UGGT2: variants seen among roughly 807,000 people sequenced by gnomAD.
UGGT2 encodes UDP-glucose:glycoprotein glucosyltransferase 2.
In UGGT2, 180 loss-of-function variants were observed where a neutral mutation model predicts 192.1. The observed-to-expected ratio is 0.94, with a 90% CI of 0.83 to 1.06. The LOEUF (loss-of-function observed/expected upper bound fraction) is 1.06. Among genes scored for constraint, UGGT2 ranks in the 50% least tolerant of loss-of-function variants. The pLI is 0.00. For synonymous variants in UGGT2, 580 were observed against 591.0 expected (o/e 0.98, Z 0.27); for missense variants, 1,849 against 1,795.7 (o/e 1.03, Z -0.54).
chr13:95,844,896 G>C (rs1594128696), intron 36 of UGGT2, among the ~76,000 whole-genome samples: 1 of 152,110 alleles, frequency 6.6e-6, no homozygotes, highest in Admixed American at 6.6e-5. Context: ...TTCAGTCTTT[G>C]ATTATTAAGT....
At chr13:95,945,116 T>C (rs891532394) in intron 15 of UGGT2, among the ~76,000 whole-genome samples, 3 of 152,080 alleles carry the variant, frequency 2.0e-5, no homozygotes, top group African/African-American at 7.2e-5. Context: ...TTTAATTTCC[T>C]CACACTTAAT....
At chr13:96,012,439 T>A (rs547415771) in intron 5 of UGGT2, among the ~76,000 whole-genome samples, 26 of 151,750 alleles carry the variant, frequency 1.7e-4, no homozygotes, top group Non-Finnish European at 2.7e-4. Flanking sequence ...AAACAATTTT[T>A]AAAAAAAATC....
In UGGT2 at chr13:95,863,700, T is replaced by C. The variant is rs777144390; in HGVS notation, c.3573A>G (p.Thr1191=). ...KILKVKVKKE[T]DKIKEDILTD... is the part of the protein sequence containing the mutation. Reference sequence around the variant, plus strand: ...TAAGGATATCTTCCTTAATTTTGTCTGTTTCTTTTTTCACCTAGATAGCAT... The same window carrying C: ...TAAGGATATCTTCCTTAATTTTGTCCGTTTCTTTTTTCACCTAGATAGCAT... Residue 1191 remains threonine (T), a synonymous_variant, in exon 31 of 39, where the codon ACA becomes ACG. Coordinates refer to ENST00000376747, the MANE Select transcript of UGGT2 (RefSeq NM_020121.4). 6.2e-7 allele frequency: 1 copy of C among 1,612,642 alleles called. No homozygotes were observed. The highest frequency in any genetic ancestry group is 1.7e-5 in the Admixed American group (1 of 59,966).
chr13:95,943,830 G>A (rs1027914979), intron 15 of UGGT2, among the ~76,000 whole-genome samples: 2 of 151,808 alleles, frequency 1.3e-5, no homozygotes, highest in African/African-American at 4.8e-5. Flanking sequence ...TTGAAGTGTT[G>A]ACAGTGGGTA....
At chr13:95,908,161 C>T (rs2048353964) in intron 20 of UGGT2, among the ~76,000 whole-genome samples, 1 of 151,924 alleles carries the variant, frequency 6.6e-6, no homozygotes, top group Non-Finnish European at 1.5e-5. Flanking sequence ...GATTGAAGAT[C>T]AAATTAATGA....
chr13:95,862,288 A>T (rs1337151619), intron 31 of UGGT2, among the ~76,000 whole-genome samples: 3 of 152,208 alleles, frequency 2.0e-5, no homozygotes, highest in Non-Finnish European at 4.4e-5. Context: ...AAATATATTT[A>T]AGTTGTTGAA....
At chr13:95,914,298 C>T (rs1205432946) in intron 20 of UGGT2, among the ~76,000 whole-genome samples, 2 of 151,178 alleles carry the variant, frequency 1.3e-5, no homozygotes, top group East Asian at 3.9e-4. Flanking sequence ...TTAAAATATT[C>T]CTTACAACTA....
intron 5 of UGGT2, among the ~76,000 whole-genome samples, chr13:96,005,366 G>A (rs1195589132): frequency 6.6e-6 from 1 of 152,146 alleles, no homozygotes; most frequent in Non-Finnish European, 1.5e-5. Flanking sequence ...GCCCCTGGTA[G>A]CTCCAGACAT....
chr13:95,908,381 T>C (rs2048360261), intron 20 of UGGT2, among the ~76,000 whole-genome samples: 1 of 152,128 alleles, frequency 6.6e-6, no homozygotes. Flanking sequence ...AATGTTCAAA[T>C]TCAGGAAATA....
chr13:96,039,746 G>T (rs941889719), intron 1 of UGGT2, among the ~76,000 whole-genome samples: 6 of 152,186 alleles, frequency 3.9e-5, no homozygotes, highest in Non-Finnish European at 8.8e-5. Context: ...TCATATCCAA[G>T]TTCACCAGTT....
rs1167352531 is a variant in UGGT2 at position 95,939,946 on chromosome 13, T to C, written c.1812+11A>G. The C allele has an allele frequency of 6.3e-7, 1 of 1,589,992 alleles. No individual in the cohort carries two copies. Among genetic ancestry groups the C allele is most frequent in the Non-Finnish European group, 8.6e-7 (1 of 1,167,630 alleles). ...CTGGCCTACTCCACTTAACATAATGTCCCAACTTACCTTTCTTTCTTCATC... is the reference window on the plus strand; with the variant it reads ...CTGGCCTACTCCACTTAACATAATGCCCCAACTTACCTTTCTTTCTTCATC... On this transcript the variant is annotated intron_variant, in intron 16 of 38. Transcript: ENST00000376747.
At chr13:95,939,138 A>G (rs551661527) in intron 16 of UGGT2, among the ~76,000 whole-genome samples, 23 of 151,764 alleles carry the variant, frequency 1.5e-4, no homozygotes, top group African/African-American at 3.6e-4. Context: ...ACTGTACCCT[A>G]TAACACAGGA....
chr13:95,881,933 G>C (rs2047507230), intron 27 of UGGT2, among the ~76,000 whole-genome samples: 1 of 146,494 alleles, frequency 6.8e-6, no homozygotes, highest in Non-Finnish European at 1.5e-5. Flanking sequence ...TTTTTAGACA[G>C]AATCTCGCTC....
At chr13:95,906,455 T>C (rs1423632301) in intron 20 of UGGT2, among the ~76,000 whole-genome samples, 1 of 151,974 alleles carries the variant, frequency 6.6e-6, no homozygotes, top group Non-Finnish European at 1.5e-5. Context: ...CTGAAAAAAA[T>C]GAACAGTTTC....
chr13:95,900,593 C>T (rs1313132308), intron 22 of UGGT2, among the ~76,000 whole-genome samples: 1 of 152,144 alleles, frequency 6.6e-6, no homozygotes, highest in Non-Finnish European at 1.5e-5. Flanking sequence ...TCCTTACCCA[C>T]ATCATCATTC....
At chr13:96,013,177 C>T (rs1249279812) in intron 5 of UGGT2, 130 bp downstream of exon 5, 1 of 895,264 alleles carries the variant, frequency 1.1e-6, no homozygotes, top group Non-Finnish European at 1.6e-6. Context: ...ATGAAATTCA[C>T]ATTTGTTAAG....
intron 1 of UGGT2, among the ~76,000 whole-genome samples, chr13:96,036,488 A>T (rs2053007483): frequency 6.6e-6 from 1 of 152,162 alleles, no homozygotes; most frequent in South Asian, 2.1e-4. Context: ...TCTGTGCAGC[A>T]AACCACCATG....
Position 95,927,439 on chromosome 13 carries a change from C to A in UGGT2, c.1978-103G>T, listed in dbSNP as rs1490733321. 12 of 922,142 alleles carry A rather than the reference C, an allele frequency of 1.3e-5. No individual in the cohort carries two copies. The East Asian group carries it at 2.0e-4, about 16-fold the overall frequency. 57.1% of individuals were successfully genotyped at this position (922,142 alleles called of 1,614,324 possible). ...GATTACTTAATCAAAAATAAATAAG[C>A]AATTTAGAATTATTACAATACATTT... On this transcript the variant is annotated intron_variant, in intron 17 of 38. Coordinates refer to ENST00000376747, the MANE Select transcript of UGGT2 (RefSeq NM_020121.4).
chr13:96,051,774 C>T (rs954338327), intron 1 of UGGT2, among the ~76,000 whole-genome samples: 4 of 151,922 alleles, frequency 2.6e-5, no homozygotes, highest in South Asian at 2.1e-4. Context: ...AACCACAATG[C>T]GATACCACCT....
Sources: allele counts gnomAD v4.1 joint callset (sites outside exome capture counted in the v4.1 genomes callset), GRCh38; gene constraint gnomAD v4.1.1; transcripts MANE v1.5; gene names NCBI Gene and HGNC (gene_info 2026-07-23, HGNC 2026-07-21).